CDH18: variants seen among roughly 807,000 people sequenced by gnomAD.
CDH18 encodes the protein cadherin-18.
In CDH18, 31 loss-of-function variants were observed where a neutral mutation model predicts 67.9. That is an observed-to-expected ratio of 0.46 (90% CI 0.34 to 0.62). The LOEUF is 0.62. Among genes scored for constraint, CDH18 ranks in the 20% least tolerant of loss-of-function variants. The pLI is 0.01. For synonymous variants in CDH18, 362 were observed against 347.2 expected, an observed-to-expected ratio of 1.04 and a Z score of -0.48; for missense variants, 890 against 975.5, an observed-to-expected ratio of 0.91 and a Z score of 1.17.
intron 1 of CDH18, among the ~76,000 whole-genome samples, chr5:20,324,411 G>A (rs1386744517): frequency 1.3e-5 from 2 of 152,082 alleles, no homozygotes; most frequent in Admixed American, 6.5e-5. Flanking sequence ...CATGGTGGCG[G>A]GTGCCTGTAG....
intron 1 of CDH18, among the ~76,000 whole-genome samples, chr5:20,401,019 C>G (rs1455781470): frequency 2.0e-5 from 3 of 151,966 alleles, no homozygotes; most frequent in African/African-American, 7.3e-5. Context: ...TTTATGTTCC[C>G]TGAAGAAATG....
chr5:20,085,669 G>A (rs772229581), intron 2 of CDH18, among the ~76,000 whole-genome samples: 1 of 152,168 alleles, frequency 6.6e-6, no homozygotes, highest in Non-Finnish European at 1.5e-5. Context: ...CATGGAAAAA[G>A]TCAAGGAAGA....
chr5:20,124,361 T>C (rs1223598931), intron 2 of CDH18, among the ~76,000 whole-genome samples: 1 of 152,200 alleles, frequency 6.6e-6, no homozygotes, highest in Non-Finnish European at 1.5e-5. Flanking sequence ...AAGCACAGCA[T>C]GCCTTTCCAT....
chr5:19,577,434 T>G (rs2149966999), intron 7 of CDH18, among the ~76,000 whole-genome samples: 1 of 152,324 alleles, frequency 6.6e-6, no homozygotes, highest in African/African-American at 2.4e-5. Flanking sequence ...TTTTTATTTC[T>G]TCCATTTTCC....
chr5:20,165,716 A>G (rs1736231560), intron 2 of CDH18, among the ~76,000 whole-genome samples: 1 of 152,050 alleles, frequency 6.6e-6, no homozygotes, highest in Non-Finnish European at 1.5e-5. Context: ...TCACATCTAT[A>G]TTTTGTTTTA....
chr5:20,573,598 T>G (rs1160622435), intron 1 of CDH18, among the ~76,000 whole-genome samples: 2 of 151,162 alleles, frequency 1.3e-5, no homozygotes, highest in African/African-American at 4.8e-5. Context: ...AATACAATTA[T>G]TAAAAGCAAT....
intron 2 of CDH18, among the ~76,000 whole-genome samples, chr5:20,013,999 T>G (rs1209386661): frequency 6.6e-6 from 1 of 152,142 alleles, no homozygotes; most frequent in African/African-American, 2.4e-5. Flanking sequence ...TGTACTATTT[T>G]AGAGAATTTA....
chr5:19,623,982 CATTATT>C (rs70950078), intron 5 of CDH18, among the ~76,000 whole-genome samples: 2,341 of 139,790 alleles, frequency 0.017, 31 homozygotes, highest in Admixed American at 0.047. Context: ...TGTCACACTC[CATTATT>C]ATTATTATTA....
At chr5:20,363,110 A>G (rs2150073817) in intron 1 of CDH18, among the ~76,000 whole-genome samples, 1 of 152,274 alleles carries the variant, frequency 6.6e-6, no homozygotes, top group Admixed American at 6.5e-5. Flanking sequence ...ATTGATATCT[A>G]TGTCAACAAA....
chr5:19,489,415 TG>T (rs1402698416), intron 11 of CDH18, among the ~76,000 whole-genome samples: 2 of 151,652 alleles, frequency 1.3e-5, no homozygotes, highest in Non-Finnish European at 1.5e-5. Flanking sequence ...ACCTGGCTAA[TG>T]TTTTGTATTT....
chr5:19,835,389 G>C (rs1781509598), intron 3 of CDH18, among the ~76,000 whole-genome samples: 1 of 151,932 alleles, frequency 6.6e-6, no homozygotes, highest in South Asian at 2.1e-4. Flanking sequence ...AGGGAACTTA[G>C]AAGACAGGTC....
At chr5:19,933,230 C>T (rs1185814728) in intron 2 of CDH18, among the ~76,000 whole-genome samples, 2 of 151,414 alleles carry the variant, frequency 1.3e-5, no homozygotes, top group Admixed American at 6.6e-5. Flanking sequence ...CTTGCTCTAC[C>T]ACATTTGCCC....
chr5:20,244,858 A>C (rs1490322776), intron 2 of CDH18, among the ~76,000 whole-genome samples: 3 of 148,468 alleles, frequency 2.0e-5, no homozygotes, highest in African/African-American at 7.7e-5. Flanking sequence ...CTCCTAAATC[A>C]AGGAAAGAGA....
At chr5:20,092,891 G>T (rs1745563695) in intron 2 of CDH18, among the ~76,000 whole-genome samples, 1 of 152,100 alleles carries the variant, frequency 6.6e-6, no homozygotes, top group Admixed American at 6.6e-5. Context: ...ATGTAAATCT[G>T]ACTGAGATCA....
intron 1 of CDH18, among the ~76,000 whole-genome samples, chr5:20,346,947 T>C (rs1580803823): frequency 6.6e-6 from 1 of 152,170 alleles, no homozygotes. Context: ...GATTATCTCT[T>C]AGCAGAAAAA....
intron 1 of CDH18, chr5:20,305,611 T>C: frequency 1.4e-5 from 6 of 425,006 alleles, no homozygotes; most frequent in Middle Eastern, 6.6e-4. Context: ...GACTTGGTGC[T>C]CGGCAAACCC....
intron 1 of CDH18, among the ~76,000 whole-genome samples, chr5:20,415,347 A>G (rs926961441): frequency 6.6e-6 from 1 of 151,036 alleles, no homozygotes; most frequent in African/African-American, 2.4e-5. Flanking sequence ...AGATCACACC[A>G]CTGCACTCCA....
intron 1 of CDH18, among the ~76,000 whole-genome samples, chr5:20,431,707 C>T (rs1748759405): frequency 6.6e-6 from 1 of 152,062 alleles, no homozygotes; most frequent in Admixed American, 6.6e-5. Flanking sequence ...CATATTCAGC[C>T]TATAAAAGTT....
At chr5:19,798,811 T>C (rs1777122335) in intron 3 of CDH18, among the ~76,000 whole-genome samples, 1 of 152,092 alleles carries the variant, frequency 6.6e-6, no homozygotes, top group African/African-American at 2.4e-5. Flanking sequence ...AAATAGATTA[T>C]AAAACATACC....
Sources: allele counts gnomAD v4.1 joint callset (sites outside exome capture counted in the v4.1 genomes callset), GRCh38; gene constraint gnomAD v4.1.1; transcripts MANE v1.5; gene names NCBI Gene and HGNC (gene_info 2026-07-23, HGNC 2026-07-21).